HOOK3: variants seen among roughly 807,000 people sequenced by gnomAD.
HOOK3 encodes protein Hook homolog 3.
HOOK3 carries 24 observed loss-of-function variants against 116.3 expected under a neutral mutation model. The observed-to-expected ratio is 0.21, with a 90% CI of 0.15 to 0.29. HOOK3 has a LOEUF of 0.29. Among genes scored for constraint, HOOK3 ranks in the 10% least tolerant of loss-of-function variants. The probability of loss-of-function intolerance (pLI) is 1.00; values close to 1 mark genes in which losing one functional copy is unlikely to be tolerated. For synonymous variants in HOOK3, 275 were observed against 283.0 expected (o/e 0.97, Z 0.28); for missense variants, 632 against 830.2 (o/e 0.76, Z 2.93).
intron 2 of HOOK3, among the ~76,000 whole-genome samples, chr8:42,913,728 A>G (rs545182159): frequency 3.3e-4 from 50 of 152,316 alleles, no homozygotes; most frequent in African/African-American, 1.2e-3. Flanking sequence ...TGACATTTAC[A>G]TTTACATCAA....
At chr8:42,978,666 G>A (rs943785475) in intron 13 of HOOK3, among the ~76,000 whole-genome samples, 25 of 151,938 alleles carry the variant, frequency 1.6e-4, no homozygotes, top group African/African-American at 4.6e-4. Context: ...CACCCACCTC[G>A]GCTTCCCAAA....
Position 43,028,969 on chromosome 8 carries a change from T to G in HOOK3, c.*10471T>G, listed in dbSNP as rs1809980067. On this transcript the variant is annotated 3_prime_UTR_variant, in exon 22 of 22. Coordinates refer to ENST00000307602, the MANE Select transcript of HOOK3 (RefSeq NM_032410.4). Reference sequence around the variant, plus strand: ...AGATGAGTAAGTGGTGTGACTTCAGTTTATTATCTTCTTGGTGACCTACTT... The same window carrying G: ...AGATGAGTAAGTGGTGTGACTTCAGGTTATTATCTTCTTGGTGACCTACTT... 1 of 199,894 alleles carries G rather than the reference T, an allele frequency of 5.0e-6. No homozygotes were observed. The highest frequency in any genetic ancestry group is 6.0e-5 in the Admixed American group (1 of 16,636). 12.4% of individuals were successfully genotyped at this position (199,894 alleles called of 1,614,324 possible). A position where few individuals can be genotyped will look rare whatever the true frequency, so the allele number is the denominator to read the frequency against.
At chr8:43,012,971 A>T in intron 19 of HOOK3, 80 bp from the exon 20 acceptor site, 1 of 869,386 alleles carries the variant, frequency 1.2e-6, no homozygotes, top group Non-Finnish European at 1.8e-6. Context: ...TTTATTTTAA[A>T]AAAATAGTCA....
At position 42,906,230 on chromosome 8, in the gene HOOK3, G is replaced by T. The variant is rs369150233; in HGVS notation, c.115G>T (p.Val39Phe). Residue 39 changes from valine to phenylalanine, a missense_variant, in exon 2 of 22, where the codon GTT (valine) becomes TTT (phenylalanine). This residue lies in a region of HOOK3 where 141 missense variants were observed against 150.8 expected (regional missense o/e 0.93). Transcript: ENST00000307602. ...GACCGTGGAAGATTTAACGAATGGG[G>T]TTGTGATGGCCCAGGTTCTTCAAAA... ...CQTVEDLTNG[V>F]VMAQVLQKID... 106 of 1,611,320 alleles carry T rather than the reference G, an allele frequency of 6.6e-5. No individual in the cohort carries two copies. Among genetic ancestry groups the T allele is most frequent in the Non-Finnish European group, 8.8e-5 (104 of 1,178,602 alleles).
intron 4 of HOOK3, among the ~76,000 whole-genome samples, chr8:42,942,923 C>A (rs186049119): frequency 0.016 from 2,486 of 152,314 alleles, 32 homozygotes; most frequent in Non-Finnish European, 0.022. Context: ...AAGTGGGAAT[C>A]AAGGTGGCTA....
At chr8:43,011,272 T>C (rs183948251) in intron 19 of HOOK3, among the ~76,000 whole-genome samples, 1,877 of 152,118 alleles carry the variant, frequency 0.012, 18 homozygotes, top group Middle Eastern at 0.024. Flanking sequence ...GGATTACAGG[T>C]GTGAGCCACC....
At chr8:43,014,691 T>C (rs1809678111) in intron 21 of HOOK3, among the ~76,000 whole-genome samples, 1 of 152,230 alleles carries the variant, frequency 6.6e-6, no homozygotes, top group Non-Finnish European at 1.5e-5. Flanking sequence ...GTAGCTCTGT[T>C]ACTGGCACAG....
intron 4 of HOOK3, among the ~76,000 whole-genome samples, chr8:42,936,885 C>T (rs1346074834): frequency 1.3e-5 from 2 of 152,086 alleles, no homozygotes; most frequent in Admixed American, 6.6e-5. Context: ...GTTTTGGTGT[C>T]AGGATGATGC....
chr8:42,937,352 ATT>A (rs35303192), intron 4 of HOOK3, among the ~76,000 whole-genome samples: 4,102 of 113,844 alleles, frequency 0.036, 78 homozygotes, highest in African/African-American at 0.071. Context: ...GGATTCATTG[ATT>A]TTTTTTTTTT....
intron 6 of HOOK3, among the ~76,000 whole-genome samples, chr8:42,954,008 A>C (rs1808390596): frequency 6.6e-6 from 1 of 152,210 alleles, no homozygotes; most frequent in South Asian, 2.1e-4. Context: ...ATAACTACCC[A>C]GTAGTAGGGC....
At chr8:42,907,816 C>CAAAAGAAAAA (rs1807341077) in intron 2 of HOOK3, among the ~76,000 whole-genome samples, 1 of 46,196 alleles carries the variant, frequency 2.2e-5, no homozygotes, top group Non-Finnish European at 4.5e-5. Context: ...AGCAACGAGG[C>CAAAAGAAAAA]AAAAAAAAAA....
chr8:42,955,042 A>G (rs187571007), intron 6 of HOOK3, among the ~76,000 whole-genome samples: 1 of 152,322 alleles, frequency 6.6e-6, no homozygotes, highest in African/African-American at 2.4e-5. Flanking sequence ...TTTGAGTAGC[A>G]CTGAAGGCCC....
At chr8:42,979,222 A>G (rs1808887244) in intron 13 of HOOK3, among the ~76,000 whole-genome samples, 1 of 152,170 alleles carries the variant, frequency 6.6e-6, no homozygotes, top group Admixed American at 6.5e-5. Context: ...CAGTGAGCCA[A>G]AATTGTGCCG....
intron 20 of HOOK3, 21 bp from the exon 21 acceptor site, chr8:43,013,308 T>C (rs1586634990): frequency 1.4e-6 from 2 of 1,446,328 alleles, no homozygotes; most frequent in Non-Finnish European, 1.8e-6. Context: ...CATATTTACA[T>C]GTGCTTTTTT....
intron 14 of HOOK3, among the ~76,000 whole-genome samples, chr8:42,985,194 A>G (rs1016358637): frequency 6.6e-6 from 1 of 152,194 alleles, no homozygotes; most frequent in Non-Finnish European, 1.5e-5. Context: ...AAATGCACCT[A>G]TCTTTTGATC....
chr8:42,959,520 A>T (rs1382581193), intron 8 of HOOK3, among the ~76,000 whole-genome samples: 4 of 151,968 alleles, frequency 2.6e-5, no homozygotes, highest in African/African-American at 9.7e-5. Flanking sequence ...AGAATTCGAG[A>T]CCAGCCTGGC....
At position 42,975,942 on chromosome 8, in the gene HOOK3, T is replaced by G. The variant is rs1206547266; in HGVS notation, c.1321+1748T>G. On this transcript the variant is annotated intron_variant, in intron 13 of 21. Transcript: ENST00000307602. ...GGATGGTCTCAATCTCCTGACCATG[T>G]GATCTGCCCACCTCGGCCTCCCACA... is the stretch of plus-strand genomic sequence containing the variant. Among the ~76,000 whole-genome samples the G allele has an allele frequency of 5.3e-5, 8 of 152,156 alleles. 1 individual carries two copies. Among genetic ancestry groups the G allele is most frequent in the Admixed American group, 5.2e-4 (8 of 15,258 alleles).
At position 43,024,333 on chromosome 8, in the gene HOOK3, C is replaced by T. The variant is rs538862311; in HGVS notation, c.*5835C>T. 80 of 195,516 alleles carry T rather than the reference C, an allele frequency of 4.1e-4. No homozygotes were observed. Among genetic ancestry groups the T allele is most frequent in the African/African-American group, 1.8e-3 (77 of 43,304 alleles). The allele number at this position is 195,516 out of a possible 1,614,324, so 12.1% of individuals were successfully genotyped here. Reference sequence around the variant, plus strand: ...TCTCAACAGTGAAGCCTGTGTAATACCATACAGTAGGATGAAAGACTATTC... The same window carrying T: ...TCTCAACAGTGAAGCCTGTGTAATATCATACAGTAGGATGAAAGACTATTC... On this transcript the variant is annotated 3_prime_UTR_variant, in exon 22 of 22. Transcript: ENST00000307602.
chr8:42,957,207 C>A, intron 7 of HOOK3, 51 bp downstream of exon 7: 3 of 1,106,304 alleles, frequency 2.7e-6, no homozygotes, highest in African/African-American at 1.6e-5. Flanking sequence ...AAAGGATAAG[C>A]ATCAGATGTT....
Sources: allele counts gnomAD v4.1 joint callset (sites outside exome capture counted in the v4.1 genomes callset), GRCh38; gene constraint gnomAD v4.1.1; regional missense constraint gnomAD v4.1.1; transcripts MANE v1.5; gene names NCBI Gene and HGNC (gene_info 2026-07-23, HGNC 2026-07-21).